Variants in SLC5A10 observed in about 807,000 individuals in gnomAD.
SLC5A10 encodes the protein solute carrier family 5 member 10.
In SLC5A10, 55 loss-of-function variants were observed where a neutral mutation model predicts 68.9. The observed-to-expected ratio is 0.80, with a 90% confidence interval of 0.64 to 1.00. The LOEUF (loss-of-function observed/expected upper bound fraction) is 1.00, where lower values mean the gene tolerates loss of function less well. SLC5A10 is among the 50% of genes least tolerant of loss of function. SLC5A10 has a pLI of 0.00. For synonymous variants in SLC5A10, 344 were observed against 344.8 expected, an observed-to-expected ratio of 1.00 and a Z score of 0.02; for missense variants, 732 against 819.3, an observed-to-expected ratio of 0.89 and a Z score of 1.30.
intron 9 of SLC5A10, among the ~76,000 whole-genome samples, chr17:19,012,583 G>A (rs2044038267): frequency 1.3e-5 from 2 of 152,206 alleles, no homozygotes; most frequent in South Asian, 4.1e-4. Context: ...AGAATGGGGT[G>A]GGAAGGACAG....
At chr17:18,960,486 C>T (rs2042590697) in intron 4 of SLC5A10, 62 bp from the exon 5 acceptor site, 1 of 1,444,596 alleles carries the variant, frequency 6.9e-7, no homozygotes, top group African/African-American at 1.4e-5. Flanking sequence ...TGAGACAGGC[C>T]CTGCCTGGAG....
chr17:19,004,544 G>C lies in SLC5A10; in HGVS notation c.983-8866G>C, dbSNP rs991368323. On this transcript the variant is annotated intron_variant, in intron 9 of 14. Coordinates refer to ENST00000395645, the MANE Select transcript of SLC5A10 (RefSeq NM_001042450.4). The surrounding 1 kb of genome is among the most constrained non-coding windows in gnomAD (Gnocchi z 5.4). ...GGCGCCCCGCAAACCGAGGGCTTCC[G>C]GGTAAGGGAGGGGTCTTAAAATTTC... is the stretch of plus-strand genomic sequence containing the variant. Among the ~76,000 whole-genome samples, 1 of 152,068 alleles carries C rather than the reference G, an allele frequency of 6.6e-6. No homozygotes were observed. The highest frequency in any genetic ancestry group is 1.5e-5 in the Non-Finnish European group (1 of 67,954).
intron 9 of SLC5A10, among the ~76,000 whole-genome samples, chr17:19,006,144 G>T (rs1054711681): frequency 2.0e-5 from 3 of 152,196 alleles, no homozygotes; most frequent in Admixed American, 6.5e-5. Context: ...CCCCAGTAGC[G>T]ACGTTTTGCA....
chr17:18,982,551 T>C (rs932146535), intron 9 of SLC5A10, among the ~76,000 whole-genome samples: 2 of 152,144 alleles, frequency 1.3e-5, no homozygotes, highest in African/African-American at 4.8e-5. Context: ...AGTTTCCTCA[T>C]AAGTAAGAGA....
intron 1 of SLC5A10, among the ~76,000 whole-genome samples, chr17:18,954,708 T>C (rs915749702): frequency 6.6e-6 from 1 of 152,226 alleles, no homozygotes; most frequent in African/African-American, 2.4e-5. Context: ...GACTTTGAGC[T>C]GAGCCTTTGC....
intron 9 of SLC5A10, among the ~76,000 whole-genome samples, chr17:18,999,705 C>A (rs2043678211): frequency 6.6e-6 from 1 of 152,348 alleles, no homozygotes; most frequent in Non-Finnish European, 1.5e-5. Flanking sequence ...GGGGGCCTGA[C>A]AGAAAAAATG....
At chr17:19,005,953 C>T (rs565430764) in intron 9 of SLC5A10, among the ~76,000 whole-genome samples, 2 of 152,328 alleles carry the variant, frequency 1.3e-5, no homozygotes, top group Admixed American at 1.3e-4. Flanking sequence ...CCATTTATAG[C>T]CCCTCTGCTA....
In SLC5A10 at chr17:19,004,567, T is replaced by C. The variant is rs1451836577; in HGVS notation, c.983-8843T>C. The C allele has an allele frequency of 6.6e-6, 1 of 151,716 alleles. No homozygotes were observed. Among genetic ancestry groups the C allele is most frequent in the Non-Finnish European group, 1.5e-5 (1 of 67,888 alleles). 9.4% of individuals were successfully genotyped at this position (151,716 alleles called of 1,614,324 possible). A position where few individuals can be genotyped will look rare whatever the true frequency, so the allele number is the denominator to read the frequency against. On this transcript the variant is annotated intron_variant, in intron 9 of 14. Coordinates refer to ENST00000395645, the MANE Select transcript of SLC5A10 (RefSeq NM_001042450.4). This position sits in a 1 kb window ranked among gnomAD's most constrained non-coding sequence, Gnocchi z 5.4. ...CCGGGTAAGGGAGGGGTCTTAAAATTTCCGGGTGCCGGCAACCCAGGAGGC... is the reference window on the plus strand; with the variant it reads ...CCGGGTAAGGGAGGGGTCTTAAAATCTCCGGGTGCCGGCAACCCAGGAGGC...
intron 9 of SLC5A10, among the ~76,000 whole-genome samples, chr17:18,980,506 AC>A (rs1252872765): frequency 6.6e-6 from 1 of 152,074 alleles, no homozygotes; most frequent in African/African-American, 2.4e-5. Context: ...CTTTTCCTGG[AC>A]CCTGAACACA....
chr17:18,963,092 G>A (rs561719807), intron 5 of SLC5A10, among the ~76,000 whole-genome samples: 2 of 152,278 alleles, frequency 1.3e-5, no homozygotes, highest in East Asian at 1.9e-4. Flanking sequence ...GGTGGCATGC[G>A]CCTGTAGCTA....
chr17:18,971,835 G>C lies in SLC5A10; in HGVS notation c.846+617G>C. The C allele has an allele frequency of 6.9e-7, 1 of 1,440,896 alleles. No individual in the cohort carries two copies. Among genetic ancestry groups the C allele is most frequent in the South Asian group, 1.4e-5 (1 of 70,340 alleles). The allele number at this position is 1,440,896 out of a possible 1,614,324, so 89.3% of individuals were successfully genotyped here. A position where few individuals can be genotyped will look rare whatever the true frequency, so the allele number is the denominator to read the frequency against. On this transcript the variant is annotated intron_variant, in intron 8 of 14. Coordinates refer to ENST00000395645, the MANE Select transcript of SLC5A10 (RefSeq NM_001042450.4). This position sits in a 1 kb window ranked among gnomAD's most constrained non-coding sequence, Gnocchi z 5.5. ...GACCCTGCTCAGGCACACAGGAGCC[G>C]GCAGGCCCGGGTTCGCCTCCTGGCT...
At chr17:18,960,440 G>A (rs977653022) in intron 4 of SLC5A10, 108 bp from the exon 5 acceptor site, 29 of 994,072 alleles carry the variant, frequency 2.9e-5, no homozygotes, top group African/African-American at 1.3e-4. Context: ...TGAGAGGCTC[G>A]CAGCTGCTTT....
chr17:18,966,396 A>C (rs377158475), intron 5 of SLC5A10, among the ~76,000 whole-genome samples: 103 of 152,216 alleles, frequency 6.8e-4, no homozygotes, highest in African/African-American at 2.4e-3. Flanking sequence ...TTTTGTTCCC[A>C]GAGTTTTGCC....
chr17:18,988,182 T>G, intron 9 of SLC5A10: 1 of 1,572,042 alleles, frequency 6.4e-7, no homozygotes, highest in South Asian at 1.1e-5. Flanking sequence ...GTACTCGAAG[T>G]GTTTGTTGAC....
intron 9 of SLC5A10, among the ~76,000 whole-genome samples, chr17:18,991,682 G>A (rs180970374): frequency 2.6e-5 from 4 of 152,292 alleles, no homozygotes; most frequent in Non-Finnish European, 5.9e-5. Context: ...AGGCGGGCAC[G>A]TGTGTGTCCT....
At chr17:19,015,227 T>TGGGGGCCAATACGGGGGG in intron 11 of SLC5A10, 28 bp downstream of exon 11, 1 of 121,050 alleles carries the variant, frequency 8.3e-6, no homozygotes, top group Non-Finnish European at 2.0e-5. Context: ...AGTACGGGGG[T>TGGGGGCCAATACGGGGGG]GGGGGAACAC....
chr17:18,980,383 C>T (rs975481417), intron 9 of SLC5A10, among the ~76,000 whole-genome samples: 13 of 152,088 alleles, frequency 8.5e-5, no homozygotes, highest in African/African-American at 2.9e-4. Context: ...CAGGAAGGCC[C>T]TCAGAGACTG....
In SLC5A10 at chr17:18,984,131, A is replaced by G. The variant is rs2043205453; in HGVS notation, c.982+7142A>G. Among the ~76,000 whole-genome samples the G allele has an allele frequency of 2.0e-5, 3 of 152,126 alleles. No homozygotes were observed. In the South Asian group the frequency reaches 6.2e-4, roughly 32 times the overall value. The stretch of plus-strand genomic sequence containing the variant: ...GCCGAGGCGGGCGGATCACGAGGTC[A>G]GCAGATCGAGACCATCCTGGCTAAC... On this transcript the variant is annotated intron_variant, in intron 9 of 14. Coordinates refer to ENST00000395645, the MANE Select transcript of SLC5A10 (RefSeq NM_001042450.4).
At chr17:18,960,063 G>A (rs2042581941) in intron 4 of SLC5A10, among the ~76,000 whole-genome samples, 1 of 152,114 alleles carries the variant, frequency 6.6e-6, no homozygotes, top group Admixed American at 6.5e-5. Flanking sequence ...GCACACCTGG[G>A]CCGCACAATT....
Sources: gnomAD v4.1 joint callset for allele counts (sites outside exome capture counted in the v4.1 genomes callset) on GRCh38, gnomAD v4.1.1 for gene constraint, Gnocchi (gnomAD v3.1) non-coding constraint, MANE v1.5 for transcripts, NCBI Gene and HGNC (gene_info 2026-07-23, HGNC 2026-07-21) for gene names.